Variants in BRME1 observed in about 807,000 individuals in gnomAD.
BRME1 encodes the protein break repair meiotic recombinase recruitment factor 1, also known as BRCA2 and MEILB2-associating protein 1.
In BRME1, 31 loss-of-function variants were observed where a neutral mutation model predicts 52.6. The observed-to-expected ratio is 0.59, with a 90% CI of 0.44 to 0.80. BRME1 has a LOEUF of 0.80. Ranked by LOEUF, BRME1 falls within the 30% of genes least tolerant of loss-of-function variation. The probability of loss-of-function intolerance (pLI) is 0.00; values close to 1 mark genes in which losing one functional copy is unlikely to be tolerated. For missense variants in BRME1, 804 were observed against 860.3 expected, an observed-to-expected ratio of 0.93 and a Z score of 0.82; for synonymous variants, 359 against 353.6, an observed-to-expected ratio of 1.02 and a Z score of -0.17.
At position 13,893,232 on chromosome 19, in the gene BRME1, GA is replaced by G; in HGVS notation, c.207-10del. 1 of 1,572,622 alleles carries G rather than the reference GA, an allele frequency of 6.4e-7. No homozygotes were observed. The highest frequency in any genetic ancestry group is 2.3e-5 in the East Asian group (1 of 43,620). The stretch of plus-strand genomic sequence containing the variant: ...TTTCCTCATCAGGGGAGCTATGTAG[GA>G]AAAGATAAAACTGAAGGAGATCTGC... On this transcript the variant is annotated splice_polypyrimidine_tract_variant and intron_variant, in intron 3 of 8. Transcript: ENST00000586783.
In BRME1 at chr19:13,897,606, C is replaced by T. The variant is rs1227716390; in HGVS notation, c.32-2060G>A. Among the ~76,000 whole-genome samples, 7 of 152,162 alleles carry T rather than the reference C, an allele frequency of 4.6e-5. No individual in the cohort carries two copies. In the South Asian group the frequency reaches 1.0e-3, roughly 23 times the overall value. On this transcript the variant is annotated intron_variant, in intron 2 of 8. Coordinates refer to ENST00000586783, the MANE Select transcript of BRME1 (RefSeq NM_001345843.2). ...GCCACCAGCAAGGAAAGATGCCAGC[C>T]TGTAATCCCAGGACTTTGGGAGGCC...
At chr19:13,893,260 C>T (rs370846526) in intron 3 of BRME1, 37 bp from the exon 4 acceptor site, 257 of 1,534,432 alleles carry the variant, frequency 1.7e-4, no homozygotes, top group Non-Finnish European at 2.1e-4. Context: ...GAGATCTGCC[C>T]GGGTGCGGTG....
chr19:13,893,010 C>T lies in BRME1; in HGVS notation c.289-120G>A. On this transcript the variant is annotated intron_variant, in intron 4 of 8. Coordinates refer to ENST00000586783, the MANE Select transcript of BRME1 (RefSeq NM_001345843.2). ...GCCTTGAGAGAACTCCACCCTTGCC[C>T]TCTGGGCACATTCCCTCCAGCCCCT... 3 of 1,367,822 alleles carry T rather than the reference C, an allele frequency of 2.2e-6. No individual in the cohort carries two copies. In the South Asian group the frequency reaches 3.7e-5, roughly 17 times the overall value. 84.7% of individuals were successfully genotyped at this position (1,367,822 alleles called of 1,614,324 possible).
Position 13,883,823 on chromosome 19 carries a change from T to G in BRME1, c.1764-423A>C, listed in dbSNP as rs1278126055. The stretch of plus-strand genomic sequence containing the variant: ...GCCACACTAGACTCCTGGCCATTCC[T>G]TGAGCACCTCTCAGGATTCTGGAAT... On this transcript the variant is annotated intron_variant, in intron 7 of 8. Coordinates refer to ENST00000586783, the MANE Select transcript of BRME1 (RefSeq NM_001345843.2). The surrounding 1 kb of genome is among the most constrained non-coding windows in gnomAD (Gnocchi z 4.2). Among the ~76,000 whole-genome samples the G allele has an allele frequency of 2.7e-5, 4 of 150,508 alleles. No homozygotes were observed. Among genetic ancestry groups the G allele is most frequent in the Non-Finnish European group, 5.9e-5 (4 of 67,726 alleles).
Position 13,889,790 on chromosome 19 carries a change from C to A in BRME1, c.1066G>T (p.Val356Leu). ...CTGGCCTGCCCATCGGGCCCAGCCA[C>A]CTCCAGAGCCCTCTCTTCCAGCTCA... ...PTELEERALE[V>L]AGPDGQASAI... Residue 356 changes from valine to leucine, a missense_variant, in exon 6 of 9, where the codon GTG becomes TTG. Transcript: ENST00000586783. The A allele has an allele frequency of 1.2e-6, 2 of 1,612,692 alleles. No homozygotes were observed. The highest frequency in any genetic ancestry group is 1.7e-6 in the Non-Finnish European group (2 of 1,179,914).
intron 5 of BRME1, 84 bp from the exon 6 acceptor site, chr19:13,890,546 A>G: frequency 7.7e-7 from 1 of 1,307,094 alleles, no homozygotes. Flanking sequence ...TGTAAAAGTA[A>G]TTGCGGGTTT....
chr19:13,886,123 G>T, intron 6 of BRME1, 68 bp from the exon 7 acceptor site: 1 of 1,356,456 alleles, frequency 7.4e-7, no homozygotes. Flanking sequence ...AGGGGAACCA[G>T]AAGTCACGCT....
intron 5 of BRME1, 45 bp downstream of exon 5, chr19:13,892,741 G>C (rs774821960): frequency 4.3e-5 from 66 of 1,525,566 alleles, no homozygotes; most frequent in Non-Finnish European, 5.3e-5. Context: ...GGGCCAGGAG[G>C]CTGCACCTGC....
chr19:13,891,024 A>G (rs1969455241), intron 5 of BRME1, among the ~76,000 whole-genome samples: 1 of 152,132 alleles, frequency 6.6e-6, no homozygotes, highest in African/African-American at 2.4e-5. Flanking sequence ...CTGGAAGCAC[A>G]GAAACCTCTC....
At chr19:13,894,694 T>G (rs1969754792) in intron 3 of BRME1, among the ~76,000 whole-genome samples, 1 of 152,178 alleles carries the variant, frequency 6.6e-6, no homozygotes, top group Non-Finnish European at 1.5e-5. Context: ...ATTATAGGCA[T>G]GAGCCACTGC....
chr19:13,895,522 GGTTTTGGAGGACAGA>G lies in BRME1; in HGVS notation c.41_55del (p.Leu14_Lys18del). On this transcript the variant is annotated inframe_deletion, in exon 3 of 9. Transcript: ENST00000586783. ...GTCTCCTAGCCTTGGGTTCTTTAGG[GGTTTTGGAGGACAGA>G]GTCCCTCTCCTGTTTTAGAGACAGA... is the stretch of plus-strand genomic sequence containing the variant. 6.2e-7 allele frequency: 1 copy of G among 1,613,612 alleles called. No homozygotes were observed. Among genetic ancestry groups the G allele is most frequent in the African/African-American group, 1.3e-5 (1 of 75,006 alleles).
rs777843924 is a variant in BRME1, at chr19:13,890,336, G to C, written c.520C>G (p.Gln174Glu). Residue 174 changes from glutamine (Q) to glutamate (E), a missense_variant, in exon 6 of 9, where the codon CAG becomes GAG. By Grantham distance (29) the Gln-to-Glu change is conservative. Around this residue, in one of 3 missense-constraint regions of BRME1, gnomAD observed 234 missense variants for 258.1 expected, o/e 0.91. Coordinates refer to ENST00000586783, the MANE Select transcript of BRME1 (RefSeq NM_001345843.2). ...PTQADSARPE[Q>E]SSQSPVQAVP... ...GCCTGCACAGGGCTCTGGCTGCTCTGCTCAGGGCGGGCACTGTCTGCCTGC... is the reference window on the plus strand; with the variant it reads ...GCCTGCACAGGGCTCTGGCTGCTCTCCTCAGGGCGGGCACTGTCTGCCTGC... The C allele has an allele frequency of 2.5e-6, 4 of 1,594,580 alleles. No individual in the cohort carries two copies. In the African/African-American group the frequency reaches 4.0e-5, roughly 16 times the overall value.
At position 13,906,109 on chromosome 19, in the gene BRME1, A is replaced by C; in HGVS notation, c.-416T>G. 3.7e-6 allele frequency: 1 copy of C among 266,984 alleles called. No homozygotes were observed. Among genetic ancestry groups the C allele is most frequent in the Non-Finnish European group, 7.1e-6 (1 of 141,364 alleles). 16.5% of individuals were successfully genotyped at this position (266,984 alleles called of 1,614,324 possible). A position where few individuals can be genotyped will look rare whatever the true frequency, so the allele number is the denominator to read the frequency against. On this transcript the variant is annotated 5_prime_UTR_variant, in exon 1 of 9. It removes an upstream start codon present in the reference 5' UTR. Coordinates refer to ENST00000586783, the MANE Select transcript of BRME1 (RefSeq NM_001345843.2). The surrounding 1 kb of genome is among the most constrained non-coding windows in gnomAD (Gnocchi z 4.1). Reference sequence around the variant, plus strand: ...CGCCCCGCGAGGTCCCGCCCCGCGCATGAGCGACGCAAACACCGCCCTCGC... The same window carrying C: ...CGCCCCGCGAGGTCCCGCCCCGCGCCTGAGCGACGCAAACACCGCCCTCGC...
At chr19:13,892,738 GA>G (rs1377903956) in intron 5 of BRME1, 47 bp downstream of exon 5, 9 of 1,505,028 alleles carry the variant, frequency 6.0e-6, no homozygotes, top group Non-Finnish European at 8.3e-6. Flanking sequence ...GCTGGGCCAG[GA>G]GGCTGCACCT....
rs148291889 is a variant in BRME1 at position 13,889,307 on chromosome 19, G to T, written c.1549C>A (p.Pro517Thr). ...CAGGTGCCCTGGTCTGCAGAATGAG[G>T]CAGGTGGTCTCGCTGCCCTGCCAGC... ...SELAGQRDHLPHSADQGTWAD... is the reference protein window; with the variant it reads ...SELAGQRDHLTHSADQGTWAD... Residue 517 changes from proline (P) to threonine (T), a missense_variant, in exon 6 of 9, where the codon CCT becomes ACT. By Grantham distance (38) the Pro-to-Thr change is conservative. Transcript: ENST00000586783. 5.0e-6 allele frequency: 8 copies of T among 1,614,162 alleles called. No individual in the cohort carries two copies. In the African/African-American group the frequency reaches 1.1e-4, roughly 22 times the overall value.
rs574728883 is a variant in BRME1, at chr19:13,888,120, C to T, written c.1668+1068G>A. 2.6e-3 allele frequency among the ~76,000 whole-genome samples: 403 copies of T among 152,210 alleles called. 1 individual carries two copies. The highest frequency in any genetic ancestry group is 9.4e-3 in the African/African-American group (390 of 41,530). On this transcript the variant is annotated intron_variant, in intron 6 of 8. Coordinates refer to ENST00000586783, the MANE Select transcript of BRME1 (RefSeq NM_001345843.2). The surrounding 1 kb of genome is among the most constrained non-coding windows in gnomAD (Gnocchi z 4.1). Reference sequence around the variant, plus strand: ...TTGTATTTTGGTAGAGATGGGGCTTCACCATGTTGGCCAGGCTGGTCCTGC... The same window carrying T: ...TTGTATTTTGGTAGAGATGGGGCTTTACCATGTTGGCCAGGCTGGTCCTGC...
At position 13,882,922 on chromosome 19, in the gene BRME1, C is replaced by T. The variant is rs1367905325; in HGVS notation, c.1887G>A (p.Leu629=). ...NRLIMGTHRD[L]EAFKRLNYRK... ...GGTAGTTAAGGCGCTTGAAAGCTTC[C>T]AGGTCCCGGTGGGTGCCCATGATCA... Residue 629 remains leucine (L), a synonymous_variant, in exon 9 of 9, where the codon CTG becomes CTA. Transcript: ENST00000586783. The T allele has an allele frequency of 6.2e-7, 1 of 1,613,810 alleles. No individual in the cohort carries two copies. Among genetic ancestry groups the T allele is most frequent in the Admixed American group, 1.7e-5 (1 of 59,976 alleles).
rs892973806 is a variant in BRME1, at chr19:13,883,154, G to A, written c.1856+154C>T. Among the ~76,000 whole-genome samples, 2 of 152,220 alleles carry A rather than the reference G, an allele frequency of 1.3e-5. No individual in the cohort carries two copies. The highest frequency in any genetic ancestry group is 2.1e-4 in the South Asian group (1 of 4,822). On this transcript the variant is annotated intron_variant, in intron 8 of 8. Transcript: ENST00000586783. The surrounding 1 kb of genome is among the most constrained non-coding windows in gnomAD (Gnocchi z 4.2). Reference sequence around the variant, plus strand: ...TCAGAGCCTGTGTTCTGCAAAGGACGGGGGAGGGGGGCCACGGTGAGGACC... The same window carrying A: ...TCAGAGCCTGTGTTCTGCAAAGGACAGGGGAGGGGGGCCACGGTGAGGACC...
chr19:13,899,477 G>A (rs1222847809), intron 2 of BRME1, among the ~76,000 whole-genome samples: 1 of 152,104 alleles, frequency 6.6e-6, no homozygotes, highest in African/African-American at 2.4e-5. Context: ...GTCAGTTACA[G>A]TTCGGGAGTG....
Sources: gnomAD v4.1 joint callset for allele counts (sites outside exome capture counted in the v4.1 genomes callset) on GRCh38, gnomAD v4.1.1 for gene constraint, gnomAD v4.1.1 regional missense constraint, Gnocchi (gnomAD v3.1) non-coding constraint, MANE v1.5 for transcripts, NCBI Gene and HGNC (gene_info 2026-07-23, HGNC 2026-07-21) for gene names.